The following TG variants were observed in gnomAD, a reference collection of about 807,000 sequenced individuals.
The protein encoded by TG is thyroid hormones.
A neutral mutation model predicts 324.7 loss-of-function variants in TG; 270 were observed. The ratio of observed to expected loss-of-function variants is 0.83; its 90% CI spans 0.75 to 0.92. TG has a LOEUF of 0.92. Ranked by LOEUF, TG falls within the 40% of genes least tolerant of loss-of-function variation. The pLI is 0.00. For missense variants in TG, 3,591 were observed against 3,456.4 expected (o/e 1.04, Z -0.98); for synonymous variants, 1,401 against 1,327.0 (o/e 1.06, Z -1.21).
Position 132,941,528 on chromosome 8 carries a change from C to T in TG, c.5219C>T (p.Thr1740Ile). Residue 1740 changes from threonine (T) to isoleucine (I), a missense_variant, in exon 26 of 48, where the codon ACA becomes ATA. Physicochemically the swap from Thr to Ile is moderately conservative, Grantham distance 89. Transcript: ENST00000220616. ...CTGTGTTGCGATGGCTTCGTCCTCA[C>T]ACAGGTTCAAGGAGGTAATGTTGGC... The part of the protein sequence containing the change: ...RDLCCDGFVL[T>I]QVQGGAIICG... 1 of 1,614,168 alleles carries T rather than the reference C, an allele frequency of 6.2e-7. No individual in the cohort carries two copies. Among genetic ancestry groups the T allele is most frequent in the Non-Finnish European group, 8.5e-7 (1 of 1,180,038 alleles).
At chr8:133,107,219 A>G (rs1199205212) in intron 43 of TG, among the ~76,000 whole-genome samples, 1 of 152,128 alleles carries the variant, frequency 6.6e-6, no homozygotes, top group African/African-American at 2.4e-5. Flanking sequence ...CACAGAATAG[A>G]GCTAGATTTG....
intron 41 of TG, among the ~76,000 whole-genome samples, chr8:133,042,072 C>G (rs1838359356): frequency 6.6e-6 from 1 of 152,088 alleles, no homozygotes; most frequent in African/African-American, 2.4e-5. Flanking sequence ...CAGGTGTGAG[C>G]CACCACACCC....
At position 132,935,903 on chromosome 8, in the gene TG, C is replaced by T. The variant is rs778695506; in HGVS notation, c.5041+39C>T. On this transcript the variant is annotated intron_variant, in intron 25 of 47. Coordinates refer to ENST00000220616, the MANE Select transcript of TG (RefSeq NM_003235.5). ...GCTGGTTGGCTTAGGCCCGCGGTGG[C>T]TTCACACGGTCATGTTTGGAGCTGG... The T allele has an allele frequency of 3.3e-6, 5 of 1,514,380 alleles. No individual in the cohort carries two copies. In the African/African-American group the frequency reaches 4.1e-5, roughly 12 times the overall value. 93.8% of individuals were successfully genotyped at this position (1,514,380 alleles called of 1,614,324 possible). A position where few individuals can be genotyped will look rare whatever the true frequency, so the allele number is the denominator to read the frequency against.
chr8:133,015,786 G>T (rs1283875880), intron 37 of TG, among the ~76,000 whole-genome samples: 1 of 152,176 alleles, frequency 6.6e-6, no homozygotes, highest in Non-Finnish European at 1.5e-5. Context: ...GAACTATGGG[G>T]TGACATCAGC....
intron 28 of TG, 108 bp downstream of exon 28, chr8:132,961,181 A>C: frequency 8.8e-7 from 1 of 1,130,398 alleles, no homozygotes; most frequent in Non-Finnish European, 1.3e-6. Context: ...GAATAGGTAG[A>C]GAGTCACTTT....
At chr8:132,961,894 A>G (rs370533361) in intron 28 of TG, among the ~76,000 whole-genome samples, 2 of 152,214 alleles carry the variant, frequency 1.3e-5, no homozygotes, top group East Asian at 3.9e-4. Context: ...GCAGGAAGGC[A>G]CAGACTTGGA....
intron 5 of TG, 63 bp downstream of exon 5, chr8:132,873,284 G>C (rs1839668328): frequency 8.2e-6 from 13 of 1,589,406 alleles, no homozygotes; most frequent in Non-Finnish European, 1.1e-5. Context: ...CACTCACCTT[G>C]AGCTGGGGGC....
Position 132,995,215 on chromosome 8 carries a change from A to G in TG, c.6262+11803A>G, listed in dbSNP as rs1832756322. 3 of 954,522 alleles carry G rather than the reference A, an allele frequency of 3.1e-6. No individual in the cohort carries two copies. In the African/African-American group the frequency reaches 5.3e-5, roughly 17 times the overall value. 59.1% of individuals were successfully genotyped at this position (954,522 alleles called of 1,614,324 possible). On this transcript the variant is annotated intron_variant, in intron 35 of 47. Transcript: ENST00000220616. ...CTCTAAGCCCCAGTTTCTTTAAGGT[A>G]GAATTCACCATGTTACCTATTACCT... is the stretch of plus-strand genomic sequence containing the variant.
At chr8:132,902,317 G>A (rs1818038405) in intron 16 of TG, among the ~76,000 whole-genome samples, 2 of 152,120 alleles carry the variant, frequency 1.3e-5, no homozygotes, top group South Asian at 4.1e-4. Flanking sequence ...TAATCTCTAA[G>A]CAACATTTTG....
At chr8:133,068,867 T>A (rs141756337) in intron 41 of TG, among the ~76,000 whole-genome samples, 2 of 152,392 alleles carry the variant, frequency 1.3e-5, no homozygotes, top group African/African-American at 4.8e-5. Flanking sequence ...CACCACCCAG[T>A]CAGCCTGTGG....
At chr8:133,118,316 C>A (rs1302973689) in intron 45 of TG, among the ~76,000 whole-genome samples, 1 of 131,608 alleles carries the variant, frequency 7.6e-6, no homozygotes, top group African/African-American at 2.9e-5. Flanking sequence ...CAAACAGATT[C>A]TTCCTTTTTT....
At chr8:133,120,816 T>C (rs16904838) in intron 45 of TG, among the ~76,000 whole-genome samples, 2,550 of 152,312 alleles carry the variant, frequency 0.017, 67 homozygotes, top group African/African-American at 0.059. Context: ...CCCATAACAC[T>C]GCCTTTCTCT....
intron 5 of TG, among the ~76,000 whole-genome samples, chr8:132,880,427 C>G (rs1407677177): frequency 6.6e-6 from 1 of 152,018 alleles, no homozygotes; most frequent in Non-Finnish European, 1.5e-5. Flanking sequence ...TTGAATTATC[C>G]TAGGCTCTGA....
intron 22 of TG, among the ~76,000 whole-genome samples, chr8:132,923,995 A>G (rs887633913): frequency 2.6e-5 from 4 of 152,154 alleles, no homozygotes; most frequent in African/African-American, 9.7e-5. Flanking sequence ...GATGATTCAA[A>G]CACATTGCAT....
At chr8:132,948,185 C>CG (rs1016180431) in intron 26 of TG, among the ~76,000 whole-genome samples, 6 of 151,574 alleles carry the variant, frequency 4.0e-5, no homozygotes, top group Admixed American at 1.3e-4. Context: ...TCCGTCCCCC[C>CG]CCAAAAAAAG....
chr8:133,067,825 G>A (rs138853367), intron 41 of TG, among the ~76,000 whole-genome samples: 2 of 147,912 alleles, frequency 1.4e-5, no homozygotes, highest in Admixed American at 6.8e-5. Context: ...AGGAAGGAAG[G>A]GGGAGAGAGA....
Position 133,118,073 on chromosome 8 carries a change from A to G in TG, c.7862+1357A>G, listed in dbSNP as rs188047328. Among the ~76,000 whole-genome samples, 1,199 of 152,252 alleles carry G rather than the reference A, an allele frequency of 7.9e-3. 12 individuals carry two copies. The highest frequency in any genetic ancestry group is 0.023 in the South Asian group (109 of 4,818). On this transcript the variant is annotated intron_variant, in intron 45 of 47. Coordinates refer to ENST00000220616, the MANE Select transcript of TG (RefSeq NM_003235.5). The stretch of plus-strand genomic sequence containing the variant: ...TAAACATGCATCATTTATCTTTACA[A>G]TTAGCAACGCCCCTAAAGTAGGCTG...
At chr8:133,105,757 G>T (rs1319070726) in intron 43 of TG, among the ~76,000 whole-genome samples, 1 of 152,162 alleles carries the variant, frequency 6.6e-6, no homozygotes, top group Non-Finnish European at 1.5e-5. Flanking sequence ...GGACAGGGTG[G>T]CAGCTGGGAG....
rs543960865 is a variant in TG at position 132,967,777 on chromosome 8, T to G, written c.5687-17T>G. On this transcript the variant is annotated splice_polypyrimidine_tract_variant and intron_variant, in intron 30 of 47. Coordinates refer to ENST00000220616, the MANE Select transcript of TG (RefSeq NM_003235.5). Reference sequence around the variant, plus strand: ...GACCCCACAAAAACTAAAATCACACTACTCTCTTGCCTGTAGGTTGTGTGC... The same window carrying G: ...GACCCCACAAAAACTAAAATCACACGACTCTCTTGCCTGTAGGTTGTGTGC... 6.2e-7 allele frequency: 1 copy of G among 1,613,230 alleles called. No homozygotes were observed. Among genetic ancestry groups the G allele is most frequent in the Admixed American group, 1.7e-5 (1 of 59,986 alleles).
Sources: allele counts gnomAD v4.1 joint callset (sites outside exome capture counted in the v4.1 genomes callset), GRCh38; gene constraint gnomAD v4.1.1; transcripts MANE v1.5; gene names NCBI Gene and HGNC (gene_info 2026-07-23, HGNC 2026-07-21).